Variants in PTPRD observed in about 807,000 individuals in gnomAD.
The protein encoded by PTPRD is receptor-type tyrosine-protein phosphatase delta.
In PTPRD, 34 loss-of-function variants were observed where a neutral mutation model predicts 214.5. The observed-to-expected ratio is 0.16, with a 90% confidence interval of 0.12 to 0.21. The LOEUF (loss-of-function observed/expected upper bound fraction) is 0.21, where lower values mean the gene tolerates loss of function less well. Ranked by LOEUF, PTPRD falls within the 10% of genes least tolerant of loss-of-function variation. The probability of loss-of-function intolerance (pLI) is 1.00; values close to 1 mark genes in which losing one functional copy is unlikely to be tolerated. For missense variants in PTPRD, 2,545 were observed against 2,398.7 expected, an observed-to-expected ratio of 1.06 and a Z score of -1.27; for synonymous variants, 1,128 against 845.7, an observed-to-expected ratio of 1.33 and a Z score of -5.79.
At chr9:8,565,930 A>G (rs1321749852) in intron 14 of PTPRD, among the ~76,000 whole-genome samples, 9 of 152,220 alleles carry the variant, frequency 5.9e-5, no homozygotes, top group Non-Finnish European at 1.3e-4. Flanking sequence ...AAACAAGAAG[A>G]CAAATTTTAT....
intron 12 of PTPRD, among the ~76,000 whole-genome samples, chr9:8,648,532 C>T (rs1034458097): frequency 6.6e-6 from 1 of 152,192 alleles, no homozygotes; most frequent in African/African-American, 2.4e-5. Flanking sequence ...ATCAGCAACA[C>T]CATTTAGACA....
At position 8,833,881 on chromosome 9, in the gene PTPRD, C is replaced by A. The variant is rs938326860; in HGVS notation, c.-103-99935G>T. Reference sequence around the variant, plus strand: ...GAAAAATGACAGCTATATACTGTACCATTTACAAAAATTAACCAACTTATG... The same window carrying A: ...GAAAAATGACAGCTATATACTGTACAATTTACAAAAATTAACCAACTTATG... On this transcript the variant is annotated intron_variant, in intron 11 of 45. Transcript: ENST00000381196. Among the ~76,000 whole-genome samples, 5 of 148,764 alleles carry A rather than the reference C, an allele frequency of 3.4e-5. 1 individual carries two copies. The highest frequency in any genetic ancestry group is 4.9e-5 in the African/African-American group (2 of 41,048).
At chr9:8,577,251 G>GTTTA (rs551484081) in intron 14 of PTPRD, among the ~76,000 whole-genome samples, 1 of 104,286 alleles carries the variant, frequency 9.6e-6, no homozygotes, top group Non-Finnish European at 2.1e-5. Flanking sequence ...TTGTTTGTTT[G>GTTTA]TTTATTTATT....
chr9:9,256,324 A>C (rs939721398), intron 9 of PTPRD, among the ~76,000 whole-genome samples: 14 of 152,164 alleles, frequency 9.2e-5, no homozygotes, highest in East Asian at 7.8e-4. Context: ...AAATCACATT[A>C]TCTTTCCTTC....
At chr9:8,982,915 T>C (rs951251156) in intron 11 of PTPRD, among the ~76,000 whole-genome samples, 4 of 152,096 alleles carry the variant, frequency 2.6e-5, no homozygotes, top group South Asian at 2.1e-4. Context: ...TTCCATAAGA[T>C]AATGTGGTCT....
At chr9:8,603,336 T>C (rs1302694960) in intron 14 of PTPRD, among the ~76,000 whole-genome samples, 1 of 152,172 alleles carries the variant, frequency 6.6e-6, no homozygotes, top group African/African-American at 2.4e-5. Flanking sequence ...CTAAGTTTTC[T>C]TAAATATTAT....
At chr9:9,817,695 G>A (rs1472323115) in intron 5 of PTPRD, among the ~76,000 whole-genome samples, 1 of 152,166 alleles carries the variant, frequency 6.6e-6, no homozygotes, top group Non-Finnish European at 1.5e-5. Context: ...TAAGGGGTTA[G>A]GGGTCTTCTG....
rs189494148 is a variant in PTPRD, at chr9:8,973,847, G to C, written c.-104+44850C>G. On this transcript the variant is annotated intron_variant, in intron 11 of 45. Coordinates refer to ENST00000381196, the MANE Select transcript of PTPRD (RefSeq NM_002839.4). ...AGAGCATTTTTTCATGTGTTTGTTG[G>C]CTGCTTGTATGTCTTCTTTTAAGAA... Among the ~76,000 whole-genome samples the C allele has an allele frequency of 4.4e-3, 665 of 152,098 alleles. 7 individuals carry two copies. The highest frequency in any genetic ancestry group is 0.015 in the African/African-American group (633 of 41,500).
intron 12 of PTPRD, among the ~76,000 whole-genome samples, chr9:8,660,711 C>T (rs747589507): frequency 5.9e-5 from 9 of 152,024 alleles, no homozygotes; most frequent in African/African-American, 1.9e-4. Flanking sequence ...CCTGCTAAGC[C>T]CTATATTGTA....
intron 35 of PTPRD, among the ~76,000 whole-genome samples, chr9:8,416,780 T>C (rs539380568): frequency 4.6e-5 from 7 of 152,236 alleles, no homozygotes; most frequent in African/African-American, 1.7e-4. Flanking sequence ...GGGTGGATTA[T>C]CACTACTTAC....
At chr9:9,926,308 A>C (rs1019354368) in intron 5 of PTPRD, among the ~76,000 whole-genome samples, 2 of 152,194 alleles carry the variant, frequency 1.3e-5, no homozygotes, top group African/African-American at 4.8e-5. Flanking sequence ...GAAACAGTAC[A>C]ATAAAACAGG....
At chr9:10,509,557 T>TTTTATATATATATATA (rs1555449948) in intron 2 of PTPRD, among the ~76,000 whole-genome samples, 3 of 106,690 alleles carry the variant, frequency 2.8e-5, no homozygotes, top group South Asian at 3.3e-4. Flanking sequence ...TTAATAAATA[T>TTTTATATATATATATA]TATATATATA....
chr9:9,033,312 G>C (rs1292069504), intron 10 of PTPRD, among the ~76,000 whole-genome samples: 3 of 152,086 alleles, frequency 2.0e-5, no homozygotes, highest in Non-Finnish European at 4.4e-5. Context: ...CTCATAAAGA[G>C]GAGGAAACAC....
At chr9:8,642,624 G>A (rs1005249970) in intron 12 of PTPRD, among the ~76,000 whole-genome samples, 2 of 152,098 alleles carry the variant, frequency 1.3e-5, no homozygotes, top group African/African-American at 4.8e-5. Context: ...GGCCTTTGGG[G>A]TCTGGTGGGA....
chr9:8,798,696 T>C (rs1266955987), intron 11 of PTPRD, among the ~76,000 whole-genome samples: 1 of 152,220 alleles, frequency 6.6e-6, no homozygotes, highest in Non-Finnish European at 1.5e-5. Context: ...CTGCAGTTCA[T>C]ACAAGAAAGC....
intron 11 of PTPRD, among the ~76,000 whole-genome samples, chr9:8,961,504 T>C (rs532431386): frequency 6.6e-6 from 1 of 152,226 alleles, no homozygotes; most frequent in Admixed American, 6.5e-5. Flanking sequence ...TATCACTGTC[T>C]CTAGTAGTCA....
chr9:10,062,213 A>C (rs1003169130), intron 3 of PTPRD, among the ~76,000 whole-genome samples: 4 of 152,092 alleles, frequency 2.6e-5, no homozygotes, highest in African/African-American at 9.7e-5. Context: ...GCTGAAATAA[A>C]TTTACATAAG....
chr9:8,707,075 T>G (rs924006804), intron 12 of PTPRD, among the ~76,000 whole-genome samples: 3 of 152,220 alleles, frequency 2.0e-5, no homozygotes, highest in Non-Finnish European at 4.4e-5. Context: ...ATTAAGATAA[T>G]GAACAACAGC....
chr9:9,742,685 C>T (rs1629307), intron 6 of PTPRD, among the ~76,000 whole-genome samples: 82,152 of 151,784 alleles, frequency 0.54, 25,345 homozygotes, highest in African/African-American at 0.85. Context: ...ATGTTCCTTC[C>T]TTCATCTCAA....
Sources: allele counts gnomAD v4.1 joint callset (sites outside exome capture counted in the v4.1 genomes callset), GRCh38; gene constraint gnomAD v4.1.1; transcripts MANE v1.5; gene names NCBI Gene and HGNC (gene_info 2026-07-23, HGNC 2026-07-21).